Variants in PPIP5K2 observed in about 807,000 individuals in gnomAD.
PPIP5K2 encodes the protein diphosphoinositol pentakisphosphate kinase 2.
Under a neutral mutation model 154.6 loss-of-function variants are expected in PPIP5K2, and 105 were observed. That is an observed-to-expected ratio of 0.68 (90% CI 0.58 to 0.80). The LOEUF is 0.80. Among genes scored for constraint, PPIP5K2 ranks in the 30% least tolerant of loss-of-function variants. The pLI is 0.00. For missense variants in PPIP5K2, 992 were observed against 1,504.6 expected, an observed-to-expected ratio of 0.66 and a Z score of 5.64; for synonymous variants, 480 against 490.3, an observed-to-expected ratio of 0.98 and a Z score of 0.28.
At chr5:103,136,691 C>G (rs1004192704) in intron 3 of PPIP5K2, 41 bp from the exon 4 acceptor site, 4 of 1,494,496 alleles carry the variant, frequency 2.7e-6, no homozygotes, top group East Asian at 2.3e-5. Flanking sequence ...AGATGCTTAT[C>G]TTGAGATAAT....
intron 8 of PPIP5K2, among the ~76,000 whole-genome samples, 157 bp from the exon 9 acceptor site, chr5:103,151,096 A>G (rs1469456059): frequency 2.0e-5 from 3 of 152,040 alleles, no homozygotes; most frequent in African/African-American, 7.2e-5. Context: ...CAAGTTATAA[A>G]TAAGTAATTT....
chr5:103,171,810 C>T (rs115256758), intron 19 of PPIP5K2, among the ~76,000 whole-genome samples: 1,891 of 151,576 alleles, frequency 0.012, 35 homozygotes, highest in African/African-American at 0.044. Flanking sequence ...TTTATGAAAA[C>T]TGAATCAGAA....
At chr5:103,120,722 A>G (rs1055092482) in intron 1 of PPIP5K2, 28 of 316,856 alleles carry the variant, frequency 8.8e-5, no homozygotes, top group Admixed American at 3.1e-4. Flanking sequence ...TCCCTTTTTC[A>G]TTTCTTGGGT....
chr5:103,189,072 T>C, intron 28 of PPIP5K2: 1 of 890,824 alleles, frequency 1.1e-6, no homozygotes, highest in Non-Finnish European at 1.7e-6. Context: ...ACACATATCA[T>C]GGACTTACCC....
intron 21 of PPIP5K2, among the ~76,000 whole-genome samples, chr5:103,176,552 A>G (rs1373829339): frequency 1.3e-5 from 2 of 152,018 alleles, no homozygotes; most frequent in African/African-American, 2.4e-5. Flanking sequence ...GCATACAGTC[A>G]ATGTGTGGTC....
chr5:103,157,500 C>T (rs564286048), intron 14 of PPIP5K2, among the ~76,000 whole-genome samples: 144 of 152,096 alleles, frequency 9.5e-4, no homozygotes, highest in Non-Finnish European at 1.5e-3. Flanking sequence ...TGTATCTGGC[C>T]GGGCGCAGTG....
At position 103,210,924 on chromosome 5, in the gene PPIP5K2, A is replaced by G. The variant is rs1366620090; in HGVS notation, c.*9290A>G. The G allele has an allele frequency of 6.6e-6, 1 of 152,166 alleles. No homozygotes were observed. Among genetic ancestry groups the G allele is most frequent in the Non-Finnish European group, 1.5e-5 (1 of 68,000 alleles). 9.4% of individuals were successfully genotyped at this position (152,166 alleles called of 1,614,324 possible). On this transcript the variant is annotated 3_prime_UTR_variant, in exon 31 of 31. Transcript: ENST00000358359. ...AAATAAAATGAAATACAGTTATGGA[A>G]ATATTTCTGCTGCAAGAAAAGAATT...
At chr5:103,126,745 GT>G (rs369761352) in intron 1 of PPIP5K2, among the ~76,000 whole-genome samples, 94 of 137,410 alleles carry the variant, frequency 6.8e-4, no homozygotes, top group Middle Eastern at 3.8e-3. Flanking sequence ...GCCTTTTCAC[GT>G]TTTTTTTTTT....
chr5:103,184,951 C>A (rs1800136198), intron 26 of PPIP5K2, among the ~76,000 whole-genome samples: 1 of 151,974 alleles, frequency 6.6e-6, no homozygotes, highest in South Asian at 2.1e-4. Context: ...GTTACATAAC[C>A]CTTTTGGATG....
At position 103,183,867 on chromosome 5, in the gene PPIP5K2, G is replaced by A. The variant is rs539763680; in HGVS notation, c.3096+460G>A. On this transcript the variant is annotated intron_variant, in intron 25 of 30. Transcript: ENST00000358359. ...CATTTTTTAAAATATCAGAATTTATGTGGCCCAGTTTTAATTAGCAGGATA... is the reference window on the plus strand; with the variant it reads ...CATTTTTTAAAATATCAGAATTTATATGGCCCAGTTTTAATTAGCAGGATA... Among the ~76,000 whole-genome samples the A allele has an allele frequency of 5.9e-5, 9 of 152,194 alleles. No individual in the cohort carries two copies. In the South Asian group the frequency reaches 6.2e-4, roughly 11 times the overall value.
At chr5:103,175,710 G>A (rs756495844) in intron 21 of PPIP5K2, among the ~76,000 whole-genome samples, 1 of 152,028 alleles carries the variant, frequency 6.6e-6, no homozygotes, top group African/African-American at 2.4e-5. Context: ...GTGAAAGTGG[G>A]TATGAGGAAA....
intron 24 of PPIP5K2, among the ~76,000 whole-genome samples, chr5:103,183,013 G>A (rs1012055605): frequency 6.6e-6 from 1 of 151,684 alleles, no homozygotes; most frequent in African/African-American, 2.4e-5. Flanking sequence ...CATACAATTA[G>A]ATTTATTAGT....
chr5:103,146,776 A>T (rs1793825590), intron 6 of PPIP5K2, 95 bp downstream of exon 6: 1 of 1,062,980 alleles, frequency 9.4e-7, no homozygotes, highest in African/African-American at 1.6e-5. Flanking sequence ...TTAAATATTG[A>T]ACTCTTGAAA....
chr5:103,184,582 T>C, intron 25 of PPIP5K2, 90 bp from the exon 26 acceptor site: 1 of 928,298 alleles, frequency 1.1e-6, no homozygotes, highest in Non-Finnish European at 1.7e-6. Context: ...CTTATTAACC[T>C]TTGTCTGTCT....
At chr5:103,176,176 G>A (rs1326644899) in intron 21 of PPIP5K2, among the ~76,000 whole-genome samples, 3 of 151,824 alleles carry the variant, frequency 2.0e-5, no homozygotes, top group East Asian at 1.9e-4. Context: ...TATTAATTAC[G>A]TTCTGGAAGT....
At chr5:103,146,993 G>T (rs1259582163) in intron 6 of PPIP5K2, among the ~76,000 whole-genome samples, 3 of 151,718 alleles carry the variant, frequency 2.0e-5, no homozygotes, top group Non-Finnish European at 3.0e-5. Flanking sequence ...TAATGGCCCA[G>T]AAAAATAACA....
intron 5 of PPIP5K2, among the ~76,000 whole-genome samples, chr5:103,142,775 C>CAA (rs70990422): frequency 0.026 from 3,641 of 137,950 alleles, 141 homozygotes; most frequent in African/African-American, 0.077. Flanking sequence ...GACTCCGTCT[C>CAA]AAAAAAAAAA....
rs549905336 is a variant in PPIP5K2 at position 103,183,869 on chromosome 5, G to T, written c.3096+462G>T. Among the ~76,000 whole-genome samples, 59 of 152,082 alleles carry T rather than the reference G, an allele frequency of 3.9e-4. 1 individual carries two copies. The South Asian group carries it at 0.012, about 30-fold the overall frequency. On this transcript the variant is annotated intron_variant, in intron 25 of 30. Coordinates refer to ENST00000358359, the MANE Select transcript of PPIP5K2 (RefSeq NM_001276277.3). ...TTTTTTAAAATATCAGAATTTATGT[G>T]GCCCAGTTTTAATTAGCAGGATATA...
intron 2 of PPIP5K2, among the ~76,000 whole-genome samples, chr5:103,131,465 A>G (rs1021598864): frequency 2.0e-5 from 3 of 152,144 alleles, no homozygotes; most frequent in Non-Finnish European, 4.4e-5. Context: ...ATACATGATT[A>G]ATTGAATCCA....
Sources: gnomAD v4.1 joint callset for allele counts (sites outside exome capture counted in the v4.1 genomes callset) on GRCh38, gnomAD v4.1.1 for gene constraint, MANE v1.5 for transcripts, NCBI Gene and HGNC (gene_info 2026-07-23, HGNC 2026-07-21) for gene names.